Variants in NCOA1 observed in about 807,000 individuals in gnomAD.
NCOA1 encodes the protein nuclear receptor coactivator 1, also known as Hin-2 protein.
A neutral mutation model predicts 150.9 loss-of-function variants in NCOA1; 35 were observed. The ratio of observed to expected loss-of-function variants is 0.23; its 90% CI spans 0.18 to 0.31. The LOEUF is 0.31. Among genes scored for constraint, NCOA1 ranks in the 10% least tolerant of loss-of-function variants. The pLI is 1.00. For synonymous variants in NCOA1, 590 were observed against 630.0 expected (o/e 0.94, Z 0.95); for missense variants, 1,491 against 1,749.3 (o/e 0.85, Z 2.63).
chr2:24,618,248 CTA>C (rs1668961382), intron 3 of NCOA1, among the ~76,000 whole-genome samples: 1 of 152,226 alleles, frequency 6.6e-6, no homozygotes, highest in Non-Finnish European at 1.5e-5. Context: ...TTCACTCCAA[CTA>C]TTGCTGCTTA....
chr2:24,718,946 T>G (rs928617008), intron 14 of NCOA1, among the ~76,000 whole-genome samples: 1 of 144,834 alleles, frequency 6.9e-6, no homozygotes, highest in African/African-American at 2.6e-5. Flanking sequence ...CGAAAATCAC[T>G]TGAACCTGGG....
intron 3 of NCOA1, among the ~76,000 whole-genome samples, chr2:24,639,482 AAC>A (rs1670081643): frequency 6.6e-6 from 1 of 152,240 alleles, no homozygotes; most frequent in African/African-American, 2.4e-5. Context: ...TTCAAAATAA[AAC>A]AACTTTTAGC....
intron 1 of NCOA1, among the ~76,000 whole-genome samples, chr2:24,528,556 C>G (rs1338527469): frequency 1.3e-5 from 2 of 151,888 alleles, no homozygotes; most frequent in Non-Finnish European, 2.9e-5. Flanking sequence ...CCATGTTGCC[C>G]AGGCTGGTCT....
At chr2:24,618,976 T>C (rs957572650) in intron 3 of NCOA1, among the ~76,000 whole-genome samples, 2 of 152,228 alleles carry the variant, frequency 1.3e-5, no homozygotes, top group Non-Finnish European at 2.9e-5. Context: ...TACTGTCTTT[T>C]CACTTATGAT....
chr2:24,766,791 T>C (rs1665086923), intron 22 of NCOA1, among the ~76,000 whole-genome samples: 1 of 151,960 alleles, frequency 6.6e-6, no homozygotes, highest in African/African-American at 2.4e-5. Flanking sequence ...AATGAGACGT[T>C]ACAGACCACA....
chr2:24,540,902 C>T (rs763614307), intron 1 of NCOA1, among the ~76,000 whole-genome samples: 1 of 152,174 alleles, frequency 6.6e-6, no homozygotes, highest in Non-Finnish European at 1.5e-5. Context: ...GGATTCTAGA[C>T]TATTCTTAGG....
At chr2:24,694,661 G>A (rs985799397) in intron 10 of NCOA1, among the ~76,000 whole-genome samples, 32 of 152,180 alleles carry the variant, frequency 2.1e-4, no homozygotes, top group African/African-American at 7.5e-4. Flanking sequence ...GGCATCTAAG[G>A]ATAGTAATTA....
In NCOA1 at chr2:24,710,957, T is replaced by C. The variant is rs1673719393; in HGVS notation, c.2445T>C (p.Asp815=). ...TTACAGCTGACCTTGACCAGTTTGATCAGTTACTGCCCACGCTGGAGAAGG... is the reference window on the plus strand; with the variant it reads ...TTACAGCTGACCTTGACCAGTTTGACCAGTTACTGCCCACGCTGGAGAAGG... ...SQFTADLDQF[D]QLLPTLEKAA... Residue 815 remains aspartate (D), a synonymous_variant, in exon 14 of 23, where the codon GAT becomes GAC. Coordinates refer to ENST00000348332, the MANE Select transcript of NCOA1 (RefSeq NM_003743.5). 6.2e-7 allele frequency: 1 copy of C among 1,613,978 alleles called. No individual in the cohort carries two copies. The highest frequency in any genetic ancestry group is 1.3e-5 in the African/African-American group (1 of 74,924).
chr2:24,492,865 C>T (rs1010142228), intron 1 of NCOA1, among the ~76,000 whole-genome samples: 6 of 151,460 alleles, frequency 4.0e-5, no homozygotes, highest in South Asian at 2.1e-4. Context: ...ACATTACTGC[C>T]GTGAAGCGTA....
At chr2:24,718,405 A>G (rs564376911) in intron 14 of NCOA1, among the ~76,000 whole-genome samples, 2 of 152,316 alleles carry the variant, frequency 1.3e-5, no homozygotes, top group Admixed American at 6.5e-5. Flanking sequence ...TTGTTCAGCA[A>G]TTTCTCATAA....
At chr2:24,592,508 T>C (rs1170161489) in intron 3 of NCOA1, among the ~76,000 whole-genome samples, 1 of 151,974 alleles carries the variant, frequency 6.6e-6, no homozygotes, top group Non-Finnish European at 1.5e-5. Context: ...AACCTACTCC[T>C]TGTTGCTGTA....
Position 24,747,372 on chromosome 2 carries a change from T to C in NCOA1, c.3707-4610T>C, listed in dbSNP as rs188654996. Among the ~76,000 whole-genome samples, 64 of 149,686 alleles carry C rather than the reference T, an allele frequency of 4.3e-4. 1 individual carries two copies. The East Asian group carries it at 0.012, about 29-fold the overall frequency. On this transcript the variant is annotated intron_variant, in intron 19 of 22. Coordinates refer to ENST00000348332, the MANE Select transcript of NCOA1 (RefSeq NM_003743.5). ...TTAATCTTTTGAGATAGGGTCTTGC[T>C]CTGTTGCCCAGGAGTGGCGTGATCA...
chr2:24,602,387 T>G (rs1668161117), intron 3 of NCOA1, among the ~76,000 whole-genome samples: 1 of 151,130 alleles, frequency 6.6e-6, no homozygotes, highest in African/African-American at 2.4e-5. Flanking sequence ...TTTTTGTAGA[T>G]ATGGGGTCTC....
chr2:24,505,457 G>A (rs1385938452), intron 1 of NCOA1, among the ~76,000 whole-genome samples: 2 of 152,210 alleles, frequency 1.3e-5, no homozygotes, highest in African/African-American at 2.4e-5. Flanking sequence ...GGGATTACAA[G>A]TGTGAGCCAC....
chr2:24,706,527 C>T, intron 12 of NCOA1, 41 bp from the exon 13 acceptor site: 1 of 1,527,562 alleles, frequency 6.5e-7, no homozygotes, highest in Non-Finnish European at 8.8e-7. Context: ...TTAATAGAAA[C>T]AAATGAAGAT....
chr2:24,543,448 A>G (rs1558780704), intron 1 of NCOA1, among the ~76,000 whole-genome samples: 1 of 152,154 alleles, frequency 6.6e-6, no homozygotes, highest in African/African-American at 2.4e-5. Flanking sequence ...TCAAGTTTTA[A>G]GATGAGTTTT....
intron 8 of NCOA1, among the ~76,000 whole-genome samples, chr2:24,684,800 A>G (rs1672329573): frequency 6.6e-6 from 1 of 152,232 alleles, no homozygotes; most frequent in South Asian, 2.1e-4. Context: ...TTGGTTGATC[A>G]TCCATTAGAA....
At chr2:24,559,089 A>G (rs1173218472) in intron 1 of NCOA1, among the ~76,000 whole-genome samples, 1 of 152,160 alleles carries the variant, frequency 6.6e-6, no homozygotes, top group Non-Finnish European at 1.5e-5. Context: ...GGGGTAGTGC[A>G]GTTAGAAAAA....
chr2:24,623,539 C>T (rs1669270691), intron 3 of NCOA1, among the ~76,000 whole-genome samples: 1 of 152,160 alleles, frequency 6.6e-6, no homozygotes, highest in South Asian at 2.1e-4. Context: ...AAATATGTAT[C>T]TAGGGCAAAA....
Sources: allele counts gnomAD v4.1 joint callset (sites outside exome capture counted in the v4.1 genomes callset), GRCh38; gene constraint gnomAD v4.1.1; transcripts MANE v1.5; gene names NCBI Gene and HGNC (gene_info 2026-07-23, HGNC 2026-07-21).